The following CTNNA3 variants were observed in gnomAD, a reference collection of about 807,000 sequenced individuals.
CTNNA3 encodes catenin alpha-3.
A neutral mutation model predicts 95.7 loss-of-function variants in CTNNA3; 76 were observed. That is an observed-to-expected ratio of 0.79 (90% CI 0.66 to 0.96). The LOEUF (loss-of-function observed/expected upper bound fraction) is 0.96. Among genes scored for constraint, CTNNA3 ranks in the 40% least tolerant of loss-of-function variants. The pLI, the probability that CTNNA3 is intolerant of heterozygous loss-of-function variation, is 0.00. For synonymous variants in CTNNA3, 431 were observed against 374.4 expected, an observed-to-expected ratio of 1.15 and a Z score of -1.74; for missense variants, 1,191 against 1,089.8, an observed-to-expected ratio of 1.09 and a Z score of -1.31.
chr10:66,478,578 T>A (rs1478433657), intron 11 of CTNNA3, among the ~76,000 whole-genome samples: 1 of 151,970 alleles, frequency 6.6e-6, no homozygotes, highest in Non-Finnish European at 1.5e-5. Flanking sequence ...AAAATATAGC[T>A]AATTTTTTAA....
chr10:66,203,266 A>T (rs2087548455), intron 13 of CTNNA3, among the ~76,000 whole-genome samples: 1 of 152,196 alleles, frequency 6.6e-6, no homozygotes, highest in Non-Finnish European at 1.5e-5. Flanking sequence ...GTCAATCCCC[A>T]TTTAGAGAAC....
At chr10:67,672,927 T>C (rs1280792355) in intron 1 of CTNNA3, among the ~76,000 whole-genome samples, 2 of 152,184 alleles carry the variant, frequency 1.3e-5, no homozygotes, top group South Asian at 2.1e-4. Context: ...GGGGATGGCA[T>C]TGAATCTATA....
chr10:67,009,248 C>CT lies in CTNNA3; in HGVS notation c.1047+171068dup, dbSNP rs1158028367. On this transcript the variant is annotated intron_variant, in intron 7 of 17. Coordinates refer to ENST00000433211, the MANE Select transcript of CTNNA3 (RefSeq NM_013266.4). ...TACAAATTATATTTATATTGGATCC[C>CT]TTTTTTTTCTTTTCCACATCTTTCA... Among the ~76,000 whole-genome samples, 15 of 151,688 alleles carry CT rather than the reference C, an allele frequency of 9.9e-5. No homozygotes were observed. In the East Asian group the frequency reaches 2.7e-3, roughly 27 times the overall value.
chr10:67,065,730 G>A (rs765189077), intron 7 of CTNNA3, among the ~76,000 whole-genome samples: 42 of 152,042 alleles, frequency 2.8e-4, no homozygotes, highest in Admixed American at 8.5e-4. Context: ...TAAGCCACAC[G>A]ATAAAGGAGG....
At chr10:66,187,449 A>G (rs1157289242) in intron 13 of CTNNA3, among the ~76,000 whole-genome samples, 1 of 150,540 alleles carries the variant, frequency 6.6e-6, no homozygotes, top group African/African-American at 2.4e-5. Flanking sequence ...TGTATGCCCA[A>G]GAAAAACTAG....
intron 12 of CTNNA3, among the ~76,000 whole-genome samples, chr10:66,312,551 ATTG>A (rs1306384901): frequency 7.8e-6 from 1 of 127,732 alleles, no homozygotes; most frequent in Non-Finnish European, 1.7e-5. Context: ...TGGATTGCAG[ATTG>A]TTTTTTTTTT....
At chr10:67,369,576 G>T (rs541897241) in intron 5 of CTNNA3, among the ~76,000 whole-genome samples, 12 of 152,220 alleles carry the variant, frequency 7.9e-5, no homozygotes, top group Non-Finnish European at 7.4e-5. Context: ...TCTGGAAAAA[G>T]TGTAATTGCA....
At chr10:66,479,702 G>C (rs1324880690) in intron 11 of CTNNA3, among the ~76,000 whole-genome samples, 1 of 151,930 alleles carries the variant, frequency 6.6e-6, no homozygotes, top group Non-Finnish European at 1.5e-5. Flanking sequence ...AAGTGTTGTG[G>C]TAAGACAAGA....
intron 11 of CTNNA3, among the ~76,000 whole-genome samples, chr10:66,435,421 T>C (rs939160466): frequency 2.6e-5 from 4 of 152,216 alleles, no homozygotes; most frequent in Non-Finnish European, 2.9e-5. Context: ...CCAGATTTTC[T>C]AGTTTATTTG....
chr10:67,725,608 AATT>A (rs1373944916), intron 1 of CTNNA3, among the ~76,000 whole-genome samples: 1 of 152,036 alleles, frequency 6.6e-6, no homozygotes, highest in African/African-American at 2.4e-5. Flanking sequence ...ACACAGTCAT[AATT>A]ATTATCTTAA....
chr10:67,526,822 G>A (rs554016051), intron 4 of CTNNA3, among the ~76,000 whole-genome samples: 1 of 152,322 alleles, frequency 6.6e-6, no homozygotes, highest in South Asian at 2.1e-4. Context: ...CCTTTCAGTA[G>A]TGAATAAGGA....
intron 10 of CTNNA3, among the ~76,000 whole-genome samples, chr10:66,563,748 G>A (rs1345734479): frequency 6.6e-6 from 1 of 152,090 alleles, no homozygotes; most frequent in African/African-American, 2.4e-5. Flanking sequence ...CTGCTCAAAT[G>A]AGACAAATGC....
At chr10:66,521,255 G>T (rs183361653) in intron 10 of CTNNA3, among the ~76,000 whole-genome samples, 29 of 152,016 alleles carry the variant, frequency 1.9e-4, no homozygotes, top group Admixed American at 1.0e-3. Context: ...TGCAGAGTGA[G>T]TTTTTTAAAT....
intron 1 of CTNNA3, among the ~76,000 whole-genome samples, chr10:67,674,542 A>G (rs1259956025): frequency 6.6e-6 from 1 of 152,160 alleles, no homozygotes; most frequent in Non-Finnish European, 1.5e-5. Flanking sequence ...TTGGTCTCCA[A>G]AAAACACCAC....
intron 13 of CTNNA3, among the ~76,000 whole-genome samples, chr10:66,174,962 T>C (rs779544424): frequency 3.3e-5 from 5 of 152,136 alleles, no homozygotes; most frequent in Non-Finnish European, 5.9e-5. Flanking sequence ...ATGCTTGGCC[T>C]AGAACACCAT....
chr10:66,581,998 T>TCC (rs930671039), intron 10 of CTNNA3, among the ~76,000 whole-genome samples: 1 of 151,814 alleles, frequency 6.6e-6, no homozygotes, highest in African/African-American at 2.4e-5. Context: ...TCTATTATAT[T>TCC]CCATTGATCT....
intron 7 of CTNNA3, among the ~76,000 whole-genome samples, chr10:66,795,617 A>G (rs1005312941): frequency 1.3e-5 from 2 of 152,004 alleles, no homozygotes; most frequent in Non-Finnish European, 2.9e-5. Flanking sequence ...TCTAGCCACC[A>G]ACAACAGAGT....
At chr10:67,749,049 AAGAC>A (rs1164072728) in intron 1 of CTNNA3, among the ~76,000 whole-genome samples, 1 of 152,186 alleles carries the variant, frequency 6.6e-6, no homozygotes, top group Non-Finnish European at 1.5e-5. Context: ...AAGATCAAAA[AAGAC>A]AAGGGCAGTA....
chr10:66,660,184 T>C (rs188872984), intron 9 of CTNNA3, among the ~76,000 whole-genome samples: 107 of 152,262 alleles, frequency 7.0e-4, no homozygotes, highest in African/African-American at 2.4e-3. Context: ...AGATCTTACC[T>C]GCCCATTTGC....
Sources: gnomAD v4.1 joint callset for allele counts (sites outside exome capture counted in the v4.1 genomes callset) on GRCh38, gnomAD v4.1.1 for gene constraint, MANE v1.5 for transcripts, NCBI Gene and HGNC (gene_info 2026-07-23, HGNC 2026-07-21) for gene names.